ITPR1: variants seen among roughly 807,000 people sequenced by gnomAD.
ITPR1 encodes the protein inositol 1,4,5-trisphosphate-gated calcium channel ITPR1.
In ITPR1, 96 loss-of-function variants were observed where a neutral mutation model predicts 318.4. The ratio of observed to expected loss-of-function variants is 0.30; its 90% CI spans 0.26 to 0.36. ITPR1 has a LOEUF of 0.36. Ranked by LOEUF, ITPR1 falls within the 10% of genes least tolerant of loss-of-function variation. The pLI is 1.00. For missense variants in ITPR1, 2,440 were observed against 3,460.2 expected, an observed-to-expected ratio of 0.71 and a Z score of 7.40; for synonymous variants, 1,312 against 1,289.9, an observed-to-expected ratio of 1.02 and a Z score of -0.37.
At chr3:4,731,745 A>G (rs531065331) in intron 42 of ITPR1, among the ~76,000 whole-genome samples, 14 of 152,164 alleles carry the variant, frequency 9.2e-5, no homozygotes, top group African/African-American at 1.2e-4. Context: ...TTGGTCCCCC[A>G]CTTCTCCCAG....
chr3:4,502,230 G>A (rs982725470), intron 2 of ITPR1, among the ~76,000 whole-genome samples: 10 of 152,182 alleles, frequency 6.6e-5, no homozygotes, highest in Non-Finnish European at 1.0e-4. Flanking sequence ...CAGCCCAAAC[G>A]CTTCCTCCTC....
chr3:4,658,712 C>A (rs1301294484), intron 13 of ITPR1, among the ~76,000 whole-genome samples: 3 of 151,882 alleles, frequency 2.0e-5, no homozygotes, highest in Non-Finnish European at 2.9e-5. Flanking sequence ...ATTTTATTAA[C>A]AAGTATTGAG....
intron 23 of ITPR1, 50 bp downstream of exon 23, chr3:4,675,298 C>G (rs756566172): frequency 6.6e-6 from 9 of 1,356,968 alleles, no homozygotes; most frequent in Non-Finnish European, 9.3e-6. Context: ...TCCAGCCTTT[C>G]CTGTTATGCT....
At chr3:4,799,866 G>T (rs138950332) in intron 53 of ITPR1, 2 of 152,452 alleles carry the variant, frequency 1.3e-5, no homozygotes, top group East Asian at 3.9e-4. Flanking sequence ...TTCAGGCAGG[G>T]GACCTGCAGT....
At chr3:4,788,231 A>G in intron 52 of ITPR1, 92 bp downstream of exon 52, 1 of 984,422 alleles carries the variant, frequency 1.0e-6, no homozygotes, top group Non-Finnish European at 1.5e-6. Flanking sequence ...TCCAAGCAGG[A>G]GCAAAGCTAG....
chr3:4,495,685 T>C (rs909482536), intron 2 of ITPR1, among the ~76,000 whole-genome samples: 2 of 152,214 alleles, frequency 1.3e-5, no homozygotes, highest in Non-Finnish European at 2.9e-5. Flanking sequence ...TCCAGAGCCA[T>C]GTATCTCAGA....
intron 26 of ITPR1, among the ~76,000 whole-genome samples, chr3:4,681,658 T>TCC (rs1553690432): frequency 6.7e-6 from 1 of 149,848 alleles, no homozygotes; most frequent in Non-Finnish European, 1.5e-5. Context: ...TGTGTGTGTG[T>TCC]CCCACCTAGG....
chr3:4,680,072 A>G (rs1472660809), intron 24 of ITPR1, among the ~76,000 whole-genome samples: 2 of 152,228 alleles, frequency 1.3e-5, no homozygotes, highest in Admixed American at 6.5e-5. Context: ...AGGGTGTCCA[A>G]GGGTTTGTAC....
At chr3:4,798,954 A>G (rs1263204406) in intron 53 of ITPR1, among the ~76,000 whole-genome samples, 2 of 152,258 alleles carry the variant, frequency 1.3e-5, no homozygotes, top group Non-Finnish European at 2.9e-5. Flanking sequence ...ATCACCTGCA[A>G]AGAGGCACAA....
chr3:4,734,252 C>G (rs2043124474), intron 43 of ITPR1, among the ~76,000 whole-genome samples: 1 of 152,188 alleles, frequency 6.6e-6, no homozygotes, highest in Non-Finnish European at 1.5e-5. Context: ...TCTTTACTTT[C>G]TGTAGTGAGG....
At chr3:4,681,179 G>A (rs2094291311) in intron 25 of ITPR1, among the ~76,000 whole-genome samples, 185 bp from the exon 26 acceptor site, 1 of 152,026 alleles carries the variant, frequency 6.6e-6, no homozygotes, top group African/African-American at 2.4e-5. Context: ...GGAGGAAGGG[G>A]CAGGAATGTG....
intron 26 of ITPR1, among the ~76,000 whole-genome samples, chr3:4,682,157 G>A (rs1484599889): frequency 6.6e-6 from 1 of 152,198 alleles, no homozygotes; most frequent in Non-Finnish European, 1.5e-5. Flanking sequence ...TTCTTCTGCT[G>A]GTGGTCACTG....
At position 4,669,669 on chromosome 3, in the gene ITPR1, C is replaced by T. The variant is rs1235271034; in HGVS notation, c.1902C>T (p.Leu634=). The T allele has an allele frequency of 6.2e-7, 1 of 1,612,620 alleles. No homozygotes were observed. The highest frequency in any genetic ancestry group is 1.1e-5 in the South Asian group (1 of 90,954). Residue 634 remains leucine, a synonymous_variant, in exon 19 of 62, where the codon CTC becomes CTT. Transcript: ENST00000649015. ...KNREPRFLDY[L]SDLCVSMNKS... ...TTCTGTTTAGATTCTTAGATTACCT[C>T]TCCGACCTCTGTGTCTCCATGAACA...
chr3:4,632,293 C>G (rs2093038094), intron 5 of ITPR1, among the ~76,000 whole-genome samples: 1 of 152,190 alleles, frequency 6.6e-6, no homozygotes, highest in Admixed American at 6.5e-5. Flanking sequence ...GTATAAAGAT[C>G]ATTTTGTTCA....
chr3:4,836,436 T>A (rs979866760), intron 60 of ITPR1, among the ~76,000 whole-genome samples: 10 of 152,224 alleles, frequency 6.6e-5, no homozygotes, highest in African/African-American at 2.2e-4. Flanking sequence ...CACAATTTTT[T>A]AAAAAAACCA....
intron 30 of ITPR1, among the ~76,000 whole-genome samples, chr3:4,685,581 A>C (rs1048758209): frequency 1.3e-5 from 2 of 152,220 alleles, no homozygotes; most frequent in African/African-American, 4.8e-5. Flanking sequence ...ACCAGCTATT[A>C]AGTGCATGTA....
intron 4 of ITPR1, among the ~76,000 whole-genome samples, chr3:4,549,877 C>T (rs906262834): frequency 2.0e-5 from 3 of 152,078 alleles, no homozygotes; most frequent in Admixed American, 1.3e-4. Flanking sequence ...CGGAACCTTT[C>T]GAGGGCAGAA....
At chr3:4,590,174 CTTTTTTTTTTT>C (rs10713337) in intron 4 of ITPR1, among the ~76,000 whole-genome samples, 4 of 87,432 alleles carry the variant, frequency 4.6e-5, no homozygotes, top group East Asian at 3.6e-4. Context: ...CTTCGTCTTG[CTTTTTTTTTTT>C]TTTTTTTTTT....
chr3:4,807,102 A>G (rs2048609024), intron 55 of ITPR1, among the ~76,000 whole-genome samples: 1 of 46,720 alleles, frequency 2.1e-5, no homozygotes, highest in African/African-American at 1.0e-4. Context: ...GCTTACAAAG[A>G]GAGGGGGGCT....
Sources: gnomAD v4.1 joint callset for allele counts (sites outside exome capture counted in the v4.1 genomes callset) on GRCh38, gnomAD v4.1.1 for gene constraint, MANE v1.5 for transcripts, NCBI Gene and HGNC (gene_info 2026-07-23, HGNC 2026-07-21) for gene names.